The following BMPR1A variants were observed in gnomAD, a reference collection of about 807,000 sequenced individuals.
BMPR1A encodes bone morphogenetic protein receptor type 1A, also known as bone morphogenetic protein receptor type-1A.
In BMPR1A, 7 loss-of-function variants were observed where a neutral mutation model predicts 66.0. That is an observed-to-expected ratio of 0.11 (90% CI 0.06 to 0.20). BMPR1A has a LOEUF of 0.20. Ranked by LOEUF, BMPR1A falls within the 10% of genes least tolerant of loss-of-function variation. The pLI, the probability that BMPR1A is intolerant of heterozygous loss-of-function variation, is 1.00. For missense variants in BMPR1A, 408 were observed against 669.1 expected, an observed-to-expected ratio of 0.61 and a Z score of 4.31; for synonymous variants, 200 against 229.7, an observed-to-expected ratio of 0.87 and a Z score of 1.17.
At chr10:86,870,741 A>G (rs1389683503) in intron 2 of BMPR1A, among the ~76,000 whole-genome samples, 3 of 151,906 alleles carry the variant, frequency 2.0e-5, no homozygotes, top group African/African-American at 4.8e-5. Context: ...TTTTTGAAGT[A>G]TAGCATGAGT....
chr10:86,870,133 T>C (rs1379041428), intron 2 of BMPR1A, among the ~76,000 whole-genome samples: 1 of 152,210 alleles, frequency 6.6e-6, no homozygotes, highest in Non-Finnish European at 1.5e-5. Context: ...CTCTTTTCAC[T>C]CTCTTGGAAG....
chr10:86,854,569 G>T (rs149622963), intron 2 of BMPR1A: 3,081 of 154,896 alleles, frequency 0.02, 51 homozygotes, highest in Non-Finnish European at 0.029. Flanking sequence ...CTTCTGCCAT[G>T]GCTTTAGCCA....
intron 9 of BMPR1A, 94 bp from the exon 10 acceptor site, chr10:86,919,077 GA>G (rs1425035900): frequency 2.1e-6 from 3 of 1,404,296 alleles, no homozygotes; most frequent in Non-Finnish European, 3.0e-6. Context: ...ATCTGCACAT[GA>G]TACCTAAGTT....
intron 1 of BMPR1A, among the ~76,000 whole-genome samples, chr10:86,758,056 T>C (rs752056250): frequency 6.6e-6 from 1 of 152,194 alleles, no homozygotes; most frequent in Admixed American, 6.5e-5. Flanking sequence ...TTGTTTTCAG[T>C]TGTTGAAATA....
At chr10:86,834,151 T>C (rs1186671443) in intron 1 of BMPR1A, among the ~76,000 whole-genome samples, 1 of 152,198 alleles carries the variant, frequency 6.6e-6, no homozygotes, top group East Asian at 1.9e-4. Context: ...AGAATTGCAT[T>C]AGGAATGTGT....
chr10:86,930,689 C>T (rs1051907629), downstream of BMPR1A: 3 of 152,164 alleles, frequency 2.0e-5, no homozygotes, highest in African/African-American at 7.2e-5. Context: ...TAAGTCAATT[C>T]CATATCTCTC....
At chr10:86,811,583 G>A (rs761833448) in intron 1 of BMPR1A, among the ~76,000 whole-genome samples, 28 of 151,998 alleles carry the variant, frequency 1.8e-4, no homozygotes, top group Non-Finnish European at 3.8e-4. Context: ...TGTATTTCCT[G>A]CAAATTGGCA....
At chr10:86,876,537 G>A (rs1379289872) in intron 3 of BMPR1A, among the ~76,000 whole-genome samples, 2 of 152,068 alleles carry the variant, frequency 1.3e-5, no homozygotes, top group East Asian at 1.9e-4. Flanking sequence ...TAATCCCAGC[G>A]CTTTGGGAGG....
intron 1 of BMPR1A, among the ~76,000 whole-genome samples, chr10:86,800,556 TA>T (rs1320974302): frequency 6.6e-6 from 1 of 152,128 alleles, no homozygotes; most frequent in Non-Finnish European, 1.5e-5. Flanking sequence ...CATGCCCAGC[TA>T]ATTTTTGTAT....
chr10:86,864,677 T>C (rs890613308), intron 2 of BMPR1A, among the ~76,000 whole-genome samples: 1 of 152,238 alleles, frequency 6.6e-6, no homozygotes, highest in Non-Finnish European at 1.5e-5. Flanking sequence ...GTAATTATGC[T>C]GAATCCCCTT....
At chr10:86,858,605 CAA>C (rs1165785135) in intron 2 of BMPR1A, among the ~76,000 whole-genome samples, 1 of 151,938 alleles carries the variant, frequency 6.6e-6, no homozygotes, top group Non-Finnish European at 1.5e-5. Flanking sequence ...TTGCAGAGTA[CAA>C]AATCAATATA....
chr10:86,816,698 G>T (rs1272312133), intron 1 of BMPR1A, among the ~76,000 whole-genome samples: 1 of 152,150 alleles, frequency 6.6e-6, no homozygotes, highest in African/African-American at 2.4e-5. Context: ...AAATCGAATG[G>T]CTTCAGGAAA....
At chr10:86,846,697 T>C (rs1842488740) in intron 2 of BMPR1A, among the ~76,000 whole-genome samples, 1 of 151,708 alleles carries the variant, frequency 6.6e-6, no homozygotes, top group African/African-American at 2.4e-5. Flanking sequence ...CAAGACTCTG[T>C]CCCCCGCCGC....
At chr10:86,907,960 A>G (rs1843420651) in intron 7 of BMPR1A, among the ~76,000 whole-genome samples, 1 of 152,236 alleles carries the variant, frequency 6.6e-6, no homozygotes, top group Non-Finnish European at 1.5e-5. Flanking sequence ...ATTTCAAAGT[A>G]GCTAGTCTTT....
chr10:86,867,007 C>T (rs1022176312), intron 2 of BMPR1A, among the ~76,000 whole-genome samples: 1 of 152,164 alleles, frequency 6.6e-6, no homozygotes, highest in African/African-American at 2.4e-5. Flanking sequence ...GGATGCTAAG[C>T]AGGTACCATT....
At chr10:86,872,113 T>G (rs1464747720) in intron 2 of BMPR1A, among the ~76,000 whole-genome samples, 1 of 152,208 alleles carries the variant, frequency 6.6e-6, no homozygotes, top group South Asian at 2.1e-4. Flanking sequence ...CGTATTGAGC[T>G]CGTAGTCAGG....
chr10:86,905,076 C>G (rs1843366600), intron 7 of BMPR1A, among the ~76,000 whole-genome samples: 1 of 152,154 alleles, frequency 6.6e-6, no homozygotes, highest in South Asian at 2.1e-4. Context: ...TAAGGTTTGT[C>G]TGTTTTGTTT....
chr10:86,827,841 C>T (rs1239665303), intron 1 of BMPR1A, among the ~76,000 whole-genome samples: 1 of 152,142 alleles, frequency 6.6e-6, no homozygotes, highest in African/African-American at 2.4e-5. Context: ...CTCCCTTCTC[C>T]TTAAAGTGGC....
At chr10:86,863,498 T>A (rs1842740195) in intron 2 of BMPR1A, among the ~76,000 whole-genome samples, 1 of 152,300 alleles carries the variant, frequency 6.6e-6, no homozygotes, top group East Asian at 1.9e-4. Flanking sequence ...CTCTCTGACC[T>A]AAAAAATGGA....
Sources: gnomAD v4.1 joint callset for allele counts (sites outside exome capture counted in the v4.1 genomes callset) on GRCh38, gnomAD v4.1.1 for gene constraint, MANE v1.5 for transcripts, NCBI Gene and HGNC (gene_info 2026-07-23, HGNC 2026-07-21) for gene names.